NAALADL2: variants seen among roughly 807,000 people sequenced by gnomAD.
NAALADL2 encodes the protein N-acetylated alpha-linked acidic dipeptidase like 2.
A neutral mutation model predicts 87.2 loss-of-function variants in NAALADL2; 76 were observed. The observed-to-expected ratio is 0.87, with a 90% confidence interval of 0.72 to 1.05. The LOEUF (loss-of-function observed/expected upper bound fraction) is 1.05. Ranked by LOEUF, NAALADL2 falls within the 50% of genes least tolerant of loss-of-function variation. The probability of loss-of-function intolerance (pLI) is 0.00; values close to 1 mark genes in which losing one functional copy is unlikely to be tolerated. For missense variants in NAALADL2, 1,089 were observed against 945.8 expected (o/e 1.15, Z -1.99); for synonymous variants, 354 against 331.0 (o/e 1.07, Z -0.75).
At chr3:174,686,622 C>A (rs674771) in intron 2 of NAALADL2, among the ~76,000 whole-genome samples, 114,100 of 151,828 alleles carry the variant, frequency 0.75, 43,045 homozygotes, top group East Asian at 0.89. Context: ...AGAATAGAGA[C>A]CCAGAAATAA....
At chr3:175,136,627 C>T (rs1247320443) in intron 2 of NAALADL2, among the ~76,000 whole-genome samples, 4 of 46,652 alleles carry the variant, frequency 8.6e-5, no homozygotes, top group Non-Finnish European at 2.3e-4. Flanking sequence ...AATCAAAATC[C>T]AGTTTTTTTT....
intron 2 of NAALADL2, among the ~76,000 whole-genome samples, chr3:174,706,920 C>G: frequency 6.6e-6 from 1 of 152,014 alleles, no homozygotes; most frequent in Non-Finnish European, 1.5e-5. Context: ...TCATTTTTGT[C>G]AGGTTTGTCA....
intron 13 of NAALADL2, among the ~76,000 whole-genome samples, chr3:175,756,607 G>C (rs1285074387): frequency 6.6e-6 from 1 of 152,084 alleles, no homozygotes; most frequent in Non-Finnish European, 1.5e-5. Context: ...TCACATATAA[G>C]TTGGAGATAA....
intron 12 of NAALADL2, among the ~76,000 whole-genome samples, chr3:175,744,772 T>C (rs1457870179): frequency 6.6e-6 from 1 of 152,196 alleles, no homozygotes; most frequent in Non-Finnish European, 1.5e-5. Context: ...TATCAATACC[T>C]AAATACATAT....
chr3:175,208,287 A>T (rs572152473), intron 2 of NAALADL2, among the ~76,000 whole-genome samples: 1 of 152,136 alleles, frequency 6.6e-6, no homozygotes, highest in Non-Finnish European at 1.5e-5. Flanking sequence ...ATTCTTTAAA[A>T]GTCTATTCGG....
At chr3:174,802,772 G>A (rs1363808229) in intron 3 of NAALADL2, among the ~76,000 whole-genome samples, 1 of 151,990 alleles carries the variant, frequency 6.6e-6, no homozygotes, top group Non-Finnish European at 1.5e-5. Flanking sequence ...TTAGAATGAT[G>A]GTTTCCAGCT....
At chr3:175,505,045 G>A (rs1430173899) in intron 9 of NAALADL2, among the ~76,000 whole-genome samples, 1 of 152,074 alleles carries the variant, frequency 6.6e-6, no homozygotes, top group East Asian at 1.9e-4. Flanking sequence ...GATCCCAGTG[G>A]CTTCCAATTC....
At chr3:175,053,530 C>G (rs1755688513) in intron 1 of NAALADL2, among the ~76,000 whole-genome samples, 3 of 152,184 alleles carry the variant, frequency 2.0e-5, no homozygotes, top group Non-Finnish European at 4.4e-5. Context: ...GCATCTGGCT[C>G]ATGATAAGGT....
intron 2 of NAALADL2, among the ~76,000 whole-genome samples, chr3:175,141,277 A>G (rs937628038): frequency 2.0e-5 from 3 of 152,056 alleles, no homozygotes; most frequent in Admixed American, 6.6e-5. Context: ...GAGAATGTTC[A>G]TAGCTCCTTT....
At chr3:174,781,499 T>C (rs1335010581) in intron 3 of NAALADL2, among the ~76,000 whole-genome samples, 2 of 151,756 alleles carry the variant, frequency 1.3e-5, no homozygotes, top group African/African-American at 2.4e-5. Context: ...CCTGATATTA[T>C]GTAGACACTG....
At chr3:174,656,746 T>G (rs1355859729) in intron 2 of NAALADL2, among the ~76,000 whole-genome samples, 4 of 152,270 alleles carry the variant, frequency 2.6e-5, no homozygotes, top group African/African-American at 9.6e-5. Context: ...GACCCCTCCT[T>G]TAGAAATTTT....
At chr3:175,649,102 A>T (rs1730403823) in intron 11 of NAALADL2, among the ~76,000 whole-genome samples, 1 of 152,158 alleles carries the variant, frequency 6.6e-6, no homozygotes, top group African/African-American at 2.4e-5. Flanking sequence ...TTATTTTAAA[A>T]ATCCTGCAGA....
At chr3:174,847,124 A>G (rs1014840511) in intron 3 of NAALADL2, among the ~76,000 whole-genome samples, 1 of 152,218 alleles carries the variant, frequency 6.6e-6, no homozygotes, top group African/African-American at 2.4e-5. Flanking sequence ...GAGAGAAAAT[A>G]CAATATGTTG....
intron 4 of NAALADL2, among the ~76,000 whole-genome samples, chr3:175,311,186 G>T (rs114715935): frequency 0.019 from 2,809 of 150,104 alleles, 82 homozygotes; most frequent in African/African-American, 0.067. Context: ...ATACTTTCTG[G>T]TCCCCACTCT....
intron 2 of NAALADL2, among the ~76,000 whole-genome samples, chr3:174,646,240 AT>A (rs1723769510): frequency 6.6e-6 from 1 of 152,148 alleles, no homozygotes; most frequent in Non-Finnish European, 1.5e-5. Flanking sequence ...AAAAAGCCTG[AT>A]TCTGTAGTTC....
chr3:175,515,581 G>A (rs1427334204), intron 9 of NAALADL2, among the ~76,000 whole-genome samples: 1 of 151,488 alleles, frequency 6.6e-6, no homozygotes, highest in African/African-American at 2.4e-5. Context: ...AAAGCATACT[G>A]GATAAATACA....
chr3:175,673,805 A>G (rs1734334319), intron 11 of NAALADL2, among the ~76,000 whole-genome samples: 1 of 152,130 alleles, frequency 6.6e-6, no homozygotes, highest in African/African-American at 2.4e-5. Context: ...AAAGTTAAAC[A>G]AATCCCAACT....
intron 1 of NAALADL2, among the ~76,000 whole-genome samples, chr3:174,993,361 G>A (rs193122299): frequency 5.3e-5 from 8 of 152,214 alleles, no homozygotes; most frequent in Admixed American, 4.6e-4. Context: ...AAGAGTGTTC[G>A]ATGCTGGGAA....
intron 5 of NAALADL2, among the ~76,000 whole-genome samples, chr3:175,378,988 T>C (rs1767475520): frequency 6.6e-6 from 1 of 152,164 alleles, no homozygotes; most frequent in Non-Finnish European, 1.5e-5. Flanking sequence ...TCCAAGATTT[T>C]TATTGGTTGC....
Sources: gnomAD v4.1 joint callset for allele counts (sites outside exome capture counted in the v4.1 genomes callset) on GRCh38, gnomAD v4.1.1 for gene constraint, MANE v1.5 for transcripts, NCBI Gene and HGNC (gene_info 2026-07-23, HGNC 2026-07-21) for gene names.